Variants in C13orf46 observed in about 807,000 individuals in gnomAD.
The protein encoded by C13orf46 is chromosome 13 open reading frame 46, also known as uncharacterized protein C13orf46.
chr13:113,927,611 C>T, the C13orf46 span: 3 of 398,546 alleles, frequency 7.5e-6, no homozygotes, highest in Non-Finnish European at 1.3e-5. Context: ...GGGGAGTGAG[C>T]CTTGCTGGCC....
chr13:113,945,539 GAGAA>G, the C13orf46 span, among the ~76,000 whole-genome samples: 2,666 of 73,548 alleles, frequency 0.036, 109 homozygotes, highest in Non-Finnish European at 0.041. Flanking sequence ...GCGAGAATCT[GAGAA>G]AGAAAGAAAG....
At chr13:113,943,307 A>G in the C13orf46 span, among the ~76,000 whole-genome samples, 1 of 152,210 alleles carries the variant, frequency 6.6e-6, no homozygotes. Flanking sequence ...TTCAGGCAAT[A>G]CATTTAAGAA....
chr13:113,962,542 G>A (rs2052595711), intron 6 of C13orf46, among the ~76,000 whole-genome samples: 1 of 152,250 alleles, frequency 6.6e-6, no homozygotes, highest in Admixed American at 6.5e-5. Context: ...CCGGTATTGG[G>A]AAATCAGCAT....
At chr13:113,967,756 G>T (rs2052664414) in intron 4 of C13orf46, among the ~76,000 whole-genome samples, 1 of 152,190 alleles carries the variant, frequency 6.6e-6, no homozygotes, top group South Asian at 2.1e-4. Flanking sequence ...GGGGAGCCGG[G>T]CTGCTCCCAC....
chr13:113,931,585 C>T, the C13orf46 span, among the ~76,000 whole-genome samples: 3 of 152,130 alleles, frequency 2.0e-5, no homozygotes, highest in South Asian at 2.1e-4. Flanking sequence ...GGAAGTAACT[C>T]GCAAGCAGCA....
downstream of C13orf46, among the ~76,000 whole-genome samples, chr13:113,952,886 G>A (rs1161151673): frequency 2.6e-5 from 4 of 152,230 alleles, no homozygotes; most frequent in South Asian, 6.2e-4. Flanking sequence ...TGGGCGGGGC[G>A]GCGGGGCAGA....
chr13:113,927,903 G>A, the C13orf46 span: 1 of 316,694 alleles, frequency 3.2e-6, no homozygotes. Flanking sequence ...ATGTGCATGT[G>A]GCCCCAGGCG....
chr13:113,960,460 C>T (rs941815645), intron 6 of C13orf46, among the ~76,000 whole-genome samples: 8 of 152,310 alleles, frequency 5.3e-5, no homozygotes, highest in Admixed American at 2.0e-4. Context: ...TCCCTTGTCA[C>T]GTGTGGTTTG....
At chr13:113,961,269 A>G (rs2052584166) in intron 6 of C13orf46, among the ~76,000 whole-genome samples, 1 of 152,056 alleles carries the variant, frequency 6.6e-6, no homozygotes, top group Non-Finnish European at 1.5e-5. Context: ...TATTGATATA[A>G]ATGTTCTAAA....
chr13:113,929,746 G>A, the C13orf46 span, among the ~76,000 whole-genome samples: 1 of 152,222 alleles, frequency 6.6e-6, no homozygotes, highest in Non-Finnish European at 1.5e-5. Flanking sequence ...GGAGCCCTGG[G>A]CAACCCGCTG....
At chr13:113,936,892 C>A in the C13orf46 span, among the ~76,000 whole-genome samples, 2 of 151,718 alleles carry the variant, frequency 1.3e-5, no homozygotes, top group African/African-American at 4.9e-5. Flanking sequence ...GTGACGTTAT[C>A]TGCGGGAGTA....
At chr13:113,936,706 G>A in the C13orf46 span, among the ~76,000 whole-genome samples, 5 of 151,416 alleles carry the variant, frequency 3.3e-5, no homozygotes, top group East Asian at 1.9e-4. Flanking sequence ...AGGCAAGGGC[G>A]CTTGCTGCTG....
At chr13:113,927,780 GGAT>G in the C13orf46 span, 2 of 395,908 alleles carry the variant, frequency 5.1e-6, no homozygotes, top group Non-Finnish European at 8.9e-6. Flanking sequence ...CCCACTCGGA[GGAT>G]GATTTTTCAT....
At position 113,955,256 on chromosome 13, in the gene C13orf46, C is replaced by CATCTGGCGGAGAGGAGGAGTAGT. The variant is rs2052515500; in HGVS notation, c.*1494_*1516dup. The CATCTGGCGGAGAGGAGGAGTAGT allele has an allele frequency of 6.5e-4, 109 of 167,638 alleles. 1 individual carries two copies. The highest frequency in any genetic ancestry group is 3.3e-3 in the Middle Eastern group (1 of 304). 10.4% of individuals were successfully genotyped at this position (167,638 alleles called of 1,614,324 possible). On this transcript the variant is annotated 3_prime_UTR_variant, in exon 7 of 7. Transcript: ENST00000636427. ...AGGAGCATCTGGCGGAGACGAGGAG[C>CATCTGGCGGAGAGGAGGAGTAGT]ATCTGGCGGAGAGGAGGAGTAGTAT...
At chr13:113,960,866 AG>A (rs1197819977) in intron 6 of C13orf46, among the ~76,000 whole-genome samples, 1 of 152,256 alleles carries the variant, frequency 6.6e-6, no homozygotes, top group Non-Finnish European at 1.5e-5. Flanking sequence ...ATCACACTGC[AG>A]GTTTTTCTGT....
chr13:113,970,546 T>C (rs1470544194), intron 1 of C13orf46: 1 of 152,244 alleles, frequency 6.6e-6, no homozygotes, highest in East Asian at 1.9e-4. Flanking sequence ...CCGGGACCTC[T>C]TGAAACTCCT....
intron 2 of C13orf46, among the ~76,000 whole-genome samples, chr13:113,969,447 C>T (rs1026082330): frequency 6.6e-6 from 1 of 152,218 alleles, no homozygotes; most frequent in Non-Finnish European, 1.5e-5. Flanking sequence ...AGGCGCCGCA[C>T]ACATCCTGTC....
the C13orf46 span, among the ~76,000 whole-genome samples, chr13:113,931,172 C>T: frequency 1.3e-5 from 2 of 152,250 alleles, no homozygotes; most frequent in East Asian, 1.9e-4. Context: ...GGTTCCCTCC[C>T]GGCCCCCAGA....
intron 6 of C13orf46, among the ~76,000 whole-genome samples, chr13:113,962,723 G>A (rs1199143431): frequency 2.6e-5 from 4 of 152,240 alleles, no homozygotes; most frequent in Admixed American, 2.6e-4. Flanking sequence ...GGGGGATGGA[G>A]GCTGAGACCA....
Sources: gnomAD v4.1 joint callset for allele counts (sites outside exome capture counted in the v4.1 genomes callset) on GRCh38, gnomAD v4.1.1 for gene constraint, MANE v1.5 for transcripts, NCBI Gene and HGNC (gene_info 2026-07-23, HGNC 2026-07-21) for gene names.